Variants in TMEM260 observed in about 807,000 individuals in gnomAD.
TMEM260 encodes the protein transmembrane protein 260.
TMEM260 carries 82 observed loss-of-function variants against 88.9 expected under a neutral mutation model. The observed-to-expected ratio is 0.92, with a 90% confidence interval of 0.77 to 1.11. The LOEUF is 1.11. TMEM260 is among the 50% of genes least tolerant of loss of function. The pLI, the probability that TMEM260 is intolerant of heterozygous loss-of-function variation, is 0.00. For synonymous variants in TMEM260, 314 were observed against 309.3 expected (o/e 1.02, Z -0.16); for missense variants, 902 against 853.4 (o/e 1.06, Z -0.71).
intron 8 of TMEM260, 112 bp from the exon 9 acceptor site, chr14:56,617,071 C>T (rs1321814053): frequency 1.8e-6 from 1 of 550,536 alleles, no homozygotes; most frequent in African/African-American, 2.0e-5. Flanking sequence ...TCTCTTTGCT[C>T]CTAGTTAAAA....
intron 13 of TMEM260, among the ~76,000 whole-genome samples, chr14:56,634,005 A>G (rs1888832070): frequency 6.6e-6 from 1 of 152,394 alleles, no homozygotes; most frequent in East Asian, 1.9e-4. Context: ...ATGGATGATC[A>G]AAACACTCTG....
the TMEM260 span, among the ~76,000 whole-genome samples, chr14:56,659,224 T>C: frequency 6.6e-6 from 1 of 151,940 alleles, no homozygotes; most frequent in African/African-American, 2.4e-5. Flanking sequence ...TCTAAAACTA[T>C]TTAGGAATAA....
At chr14:56,629,720 T>C (rs772996312) in intron 12 of TMEM260, among the ~76,000 whole-genome samples, 2 of 152,202 alleles carry the variant, frequency 1.3e-5, no homozygotes, top group Non-Finnish European at 2.9e-5. Context: ...GGGTTGATAA[T>C]ACTGTTTTCC....
the TMEM260 span, among the ~76,000 whole-genome samples, chr14:56,655,709 C>G: frequency 6.6e-6 from 1 of 152,054 alleles, no homozygotes; most frequent in African/African-American, 2.4e-5. Flanking sequence ...CCATGAAATC[C>G]CTTAATAATT....
Position 56,636,504 on chromosome 14 carries a change from C to G in TMEM260, c.1779-4C>G, listed in dbSNP as rs77802607. 3.6e-3 allele frequency: 5,799 copies of G among 1,613,666 alleles called. 168 individuals carry two copies. The African/African-American group carries it at 0.065, about 18-fold the overall frequency. ...TTAATGAAGGTTCCTATCCCCACCC[C>G]CAGGATGAAAACACCGTTCTTCATC... is the stretch of plus-strand genomic sequence containing the variant. On this transcript the variant is annotated splice_polypyrimidine_tract_variant and splice_region_variant and intron_variant, in intron 14 of 15. Coordinates refer to ENST00000261556, the MANE Select transcript of TMEM260 (RefSeq NM_017799.4).
chr14:56,608,633 G>A (rs749757059), intron 5 of TMEM260, among the ~76,000 whole-genome samples: 7 of 151,990 alleles, frequency 4.6e-5, no homozygotes, highest in Admixed American at 1.3e-4. Context: ...TGTTCAAAAC[G>A]CTTGTAGAAA....
intron 3 of TMEM260, among the ~76,000 whole-genome samples, chr14:56,601,878 T>C (rs1426438425): frequency 6.6e-6 from 1 of 152,120 alleles, no homozygotes; most frequent in Non-Finnish European, 1.5e-5. Context: ...TTACTTACTT[T>C]CTGGCACAAG....
intron 12 of TMEM260, among the ~76,000 whole-genome samples, chr14:56,627,609 C>T (rs1389969057): frequency 6.6e-6 from 1 of 152,144 alleles, no homozygotes; most frequent in African/African-American, 2.4e-5. Context: ...AGTAAAATTA[C>T]TAACTCAAAG....
chr14:56,629,364 C>G (rs1261165437), intron 12 of TMEM260, among the ~76,000 whole-genome samples: 1 of 149,362 alleles, frequency 6.7e-6, no homozygotes, highest in Non-Finnish European at 1.5e-5. Flanking sequence ...TTTACCACTT[C>G]AAGCAGAATG....
At chr14:56,658,579 G>A in the TMEM260 span, among the ~76,000 whole-genome samples, 2 of 151,940 alleles carry the variant, frequency 1.3e-5, no homozygotes, top group Non-Finnish European at 2.9e-5. Context: ...CAAATTGAGA[G>A]ACTGTCTACA....
intron 15 of TMEM260, 132 bp downstream of exon 15, chr14:56,636,730 G>A: frequency 2.6e-6 from 2 of 770,682 alleles, no homozygotes; most frequent in East Asian, 2.7e-5. Context: ...GTGGTATAAA[G>A]CAGCACATAT....
At position 56,621,581 on chromosome 14, in the gene TMEM260, T is replaced by G. The variant is rs781123566; in HGVS notation, c.1277T>G (p.Leu426Arg). The G allele has an allele frequency of 4.3e-6, 7 of 1,612,834 alleles. No homozygotes were observed. The highest frequency in any genetic ancestry group is 5.9e-6 in the Non-Finnish European group (7 of 1,179,474). The change falls in exon 11 of 16, where the codon CTT becomes CGT. Residue 426 changes from leucine to arginine, a missense_variant. By Grantham distance (102) the Leu-to-Arg change is moderately radical. Coordinates refer to ENST00000261556, the MANE Select transcript of TMEM260 (RefSeq NM_017799.4). ...NYVIDKFAKN[L>R]LTSMPHDAII... is the part of the protein sequence containing the mutation. ...GTGATTGATAAGTTCGCAAAGAACC[T>G]TCTCACCTCTATGCCTCATGATGCA...
chr14:56,609,584 A>G (rs1027182299), intron 6 of TMEM260, among the ~76,000 whole-genome samples: 2 of 152,334 alleles, frequency 1.3e-5, no homozygotes, highest in South Asian at 2.1e-4. Context: ...GTGAGTCACT[A>G]TGGGTACTTG....
chr14:56,612,882 T>C (rs1887374201), intron 7 of TMEM260: 1 of 152,136 alleles, frequency 6.6e-6, no homozygotes, highest in Non-Finnish European at 1.5e-5. Context: ...AGAACTAAAA[T>C]GTTTCAACCT....
rs1050081073 is a variant in TMEM260, at chr14:56,580,105, C to T, written c.160+31C>T. 4.4e-5 allele frequency: 55 copies of T among 1,247,728 alleles called. No individual in the cohort carries two copies. In the South Asian group the frequency reaches 1.3e-3, roughly 29 times the overall value. 77.3% of individuals were successfully genotyped at this position (1,247,728 alleles called of 1,614,324 possible). A position where few individuals can be genotyped will look rare whatever the true frequency, so the allele number is the denominator to read the frequency against. ...GTACTCGCAGGGTTGCCCCTTCTGT[C>T]CCTCTCCCCTGGTCCCAGAACGGGC... On this transcript the variant is annotated intron_variant, in intron 1 of 15. Coordinates refer to ENST00000261556, the MANE Select transcript of TMEM260 (RefSeq NM_017799.4).
At chr14:56,662,449 G>A in the TMEM260 span, among the ~76,000 whole-genome samples, 1 of 152,118 alleles carries the variant, frequency 6.6e-6, no homozygotes, top group East Asian at 1.9e-4. Context: ...AACAAGATGG[G>A]AAGCTACTGC....
chr14:56,617,231 C>T lies in TMEM260; in HGVS notation c.990C>T (p.Cys330=), dbSNP rs1887647065. 2 of 1,605,476 alleles carry T rather than the reference C, an allele frequency of 1.2e-6. No homozygotes were observed. The highest frequency in any genetic ancestry group is 2.7e-5 in the African/African-American group (2 of 74,584). Residue 330 remains cysteine, a synonymous_variant, in exon 9 of 16, where the codon TGC becomes TGT. Coordinates refer to ENST00000261556, the MANE Select transcript of TMEM260 (RefSeq NM_017799.4). ...TATGGCTTTTTACTGGAATGTTTTG[C>T]ATTTATTCATTGTTCTTTGCTTGGA... ...SLVWLFTGMF[C]IYSLFFAWRA...
intron 3 of TMEM260, among the ~76,000 whole-genome samples, chr14:56,591,184 A>G (rs1040359105): frequency 1.3e-5 from 2 of 152,240 alleles, no homozygotes; most frequent in Non-Finnish European, 2.9e-5. Flanking sequence ...GTCATCAGTT[A>G]TTATGGTTGT....
intron 10 of TMEM260, chr14:56,619,532 GT>G (rs1887785960): frequency 6.6e-6 from 1 of 151,982 alleles, no homozygotes. Context: ...AGTATTACAT[GT>G]ATTTTTCAAA....
Sources: allele counts gnomAD v4.1 joint callset (sites outside exome capture counted in the v4.1 genomes callset), GRCh38; gene constraint gnomAD v4.1.1; transcripts MANE v1.5; gene names NCBI Gene and HGNC (gene_info 2026-07-23, HGNC 2026-07-21).